Variants in SNAPC4 observed in about 807,000 individuals in gnomAD.
SNAPC4 encodes small nuclear RNA activating complex polypeptide 4, also known as snRNA-activating protein complex subunit 4.
Under a neutral mutation model 151.3 loss-of-function variants are expected in SNAPC4, and 127 were observed. That is an observed-to-expected ratio of 0.84 (90% CI 0.73 to 0.97). The LOEUF is 0.97. Ranked by LOEUF, SNAPC4 falls within the 50% of genes least tolerant of loss-of-function variation. SNAPC4 has a pLI of 0.00. For missense variants in SNAPC4, 2,186 were observed against 1,935.0 expected (o/e 1.13, Z -2.43); for synonymous variants, 1,002 against 824.4 (o/e 1.22, Z -3.69).
rs1833624120 is a variant in SNAPC4 at position 136,379,850 on chromosome 9, G to A, written c.2514C>T (p.Ala838=). Residue 838 remains alanine, a synonymous_variant, in exon 21 of 24, where the codon GCC becomes GCT. Transcript: ENST00000684778. Reference sequence around the variant, plus strand: ...AAGCAGAGTTACCTGGGGTGCTCTGGGCACTTGAGGATGCCTGGAAATGAA... The same window carrying A: ...AAGCAGAGTTACCTGGGGTGCTCTGAGCACTTGAGGATGCCTGGAAATGAA... ...PVHLLQASSS[A]QSTPGHLFPN... 6.8e-6 allele frequency: 11 copies of A among 1,613,162 alleles called. No individual in the cohort carries two copies. Among genetic ancestry groups the A allele is most frequent in the Middle Eastern group, 1.6e-4 (1 of 6,082 alleles).
rs1588762770 is a variant in SNAPC4 at position 136,392,605 on chromosome 9, G to A, written c.738-11C>T. 1 of 1,613,820 alleles carries A rather than the reference G, an allele frequency of 6.2e-7. No individual in the cohort carries two copies. The highest frequency in any genetic ancestry group is 8.5e-7 in the Non-Finnish European group (1 of 1,180,010). ...TCTTCTGGAAGCTGGCTGGTGGAAG[G>A]GATGAGGGTATTGGCACCACGCCTG... On this transcript the variant is annotated splice_polypyrimidine_tract_variant and intron_variant, in intron 8 of 23. Coordinates refer to ENST00000684778, the MANE Select transcript of SNAPC4 (RefSeq NM_003086.4).
At chr9:136,390,554 GAAA>G (rs58732608) in intron 10 of SNAPC4, among the ~76,000 whole-genome samples, 12 of 48,802 alleles carry the variant, frequency 2.5e-4, no homozygotes, top group Admixed American at 9.9e-4. Context: ...GACTCTGTTT[GAAA>G]AAAAAAAAAA....
At chr9:136,394,652 A>G in intron 6 of SNAPC4, 148 bp downstream of exon 6, 1 of 705,128 alleles carries the variant, frequency 1.4e-6, no homozygotes, top group Non-Finnish European at 2.4e-6. Context: ...GCAGGAGTCA[A>G]GGGGCCAGTC....
chr9:136,381,353 G>A lies in SNAPC4; in HGVS notation c.2357C>T (p.Ala786Val), dbSNP rs767726157. The change falls in exon 19 of 24, where the codon GCC becomes GTC. Residue 786 changes from alanine to valine, a missense_variant. Ala to Val is a moderately conservative substitution (Grantham distance 64). Coordinates refer to ENST00000684778, the MANE Select transcript of SNAPC4 (RefSeq NM_003086.4). ...LREQLQQARLASTPVFTLFTQ... is the reference protein window; with the variant it reads ...LREQLQQARLVSTPVFTLFTQ... ...AAACAGGGTAAACACAGGGGTGCTG[G>A]CCAGGCGGGCCTGCTGCAGCTGCTC... The A allele has an allele frequency of 1.2e-6, 2 of 1,612,840 alleles. No homozygotes were observed. Among genetic ancestry groups the A allele is most frequent in the Non-Finnish European group, 1.7e-6 (2 of 1,179,842 alleles).
At position 136,377,776 on chromosome 9, in the gene SNAPC4, C is replaced by A. The variant is rs1425800718; in HGVS notation, c.4051G>T (p.Val1351Leu). ...AGALQASLGL[V>L]RGQLQDNPAY... ...GGGTTGTCCTGGAGCTGCCCCCGCA[C>A]CAGCCCCAGTGAGGCTTGCAGTGCT... The change falls in exon 22 of 24, where the codon GTG becomes TTG. Residue 1351 changes from valine to leucine, a missense_variant. Val to Leu is a conservative substitution (Grantham distance 32). Coordinates refer to ENST00000684778, the MANE Select transcript of SNAPC4 (RefSeq NM_003086.4). 6.2e-7 allele frequency: 1 copy of A among 1,611,826 alleles called. No homozygotes were observed. Among genetic ancestry groups the A allele is most frequent in the African/African-American group, 1.3e-5 (1 of 75,032 alleles).
intron 22 of SNAPC4, among the ~76,000 whole-genome samples, chr9:136,377,302 C>T (rs1833483415): frequency 6.6e-6 from 1 of 152,204 alleles, no homozygotes; most frequent in Admixed American, 6.5e-5. Flanking sequence ...GCCGGAGGCT[C>T]CTGCACGAGA....
chr9:136,390,554 GAAAAAAAAAAAAAAA>G (rs58732608), intron 10 of SNAPC4, among the ~76,000 whole-genome samples: 3 of 48,806 alleles, frequency 6.1e-5, no homozygotes, highest in South Asian at 1.3e-3. Flanking sequence ...GACTCTGTTT[GAAAAAAAAAAAAAAA>G]AAAAAAAAAG....
chr9:136,394,886 G>C lies in SNAPC4; in HGVS notation c.472-8C>G. 6.2e-7 allele frequency: 1 copy of C among 1,613,132 alleles called. No individual in the cohort carries two copies. Among genetic ancestry groups the C allele is most frequent in the Non-Finnish European group, 8.5e-7 (1 of 1,179,478 alleles). ...CTCGTTGGCAGGTGGCCCCTGTCAG[G>C]GTGCACGGCATCACCACAAGCACAG... On this transcript the variant is annotated splice_polypyrimidine_tract_variant and splice_region_variant and intron_variant, in intron 5 of 23. Transcript: ENST00000684778.
Position 136,400,160 on chromosome 9 carries a change from C to T in SNAPC4, c.-36G>A, listed in dbSNP as rs979785713. On this transcript the variant is annotated 5_prime_UTR_variant, in exon 1 of 24. Coordinates refer to ENST00000684778, the MANE Select transcript of SNAPC4 (RefSeq NM_003086.4). ...TGGCCGCGCGGACCCCGCCGTCGCC[C>T]GGGCGACTGCAGACTCGACGCTTCC... is the stretch of plus-strand genomic sequence containing the variant. 7 of 152,146 alleles carry T rather than the reference C, an allele frequency of 4.6e-5. No individual in the cohort carries two copies. The highest frequency in any genetic ancestry group is 8.8e-5 in the Non-Finnish European group (6 of 68,016). 9.4% of individuals were successfully genotyped at this position (152,146 alleles called of 1,614,324 possible). A position where few individuals can be genotyped will look rare whatever the true frequency, so the allele number is the denominator to read the frequency against.
chr9:136,381,698 G>A (rs1833697986), intron 18 of SNAPC4, 126 bp downstream of exon 18: 5 of 1,204,984 alleles, frequency 4.1e-6, no homozygotes, highest in Middle Eastern at 2.0e-4. Flanking sequence ...CAGAGGTGGC[G>A]CCCACCCCAA....
intron 22 of SNAPC4, among the ~76,000 whole-genome samples, chr9:136,376,719 T>C (rs912410206): frequency 1.3e-5 from 2 of 152,078 alleles, no homozygotes; most frequent in Admixed American, 6.5e-5. Flanking sequence ...CACTCCCCCA[T>C]GGGACAGCCA....
chr9:136,383,948 C>T lies in SNAPC4; in HGVS notation c.1500+5G>A. The T allele has an allele frequency of 6.2e-7, 1 of 1,612,334 alleles. No individual in the cohort carries two copies. The highest frequency in any genetic ancestry group is 1.3e-5 in the African/African-American group (1 of 74,968). On this transcript the variant is annotated splice_donor_5th_base_variant and intron_variant, in intron 15 of 23. Transcript: ENST00000684778. The surrounding 1 kb of genome is among the most constrained non-coding windows in gnomAD (Gnocchi z 4.2). The stretch of plus-strand genomic sequence containing the variant: ...TTTCAGATAAAGAAGGAGCGAGTGG[C>T]TCACCCCCATCATGATCTTCCACTT...
In SNAPC4 at chr9:136,379,901, G is replaced by A. The variant is rs183665525; in HGVS notation, c.2500-37C>T. On this transcript the variant is annotated intron_variant, in intron 20 of 23. Coordinates refer to ENST00000684778, the MANE Select transcript of SNAPC4 (RefSeq NM_003086.4). ...AGAGAGGAGAGTCAGCAGCTCAGGT[G>A]TCCTCTGCTGGCTTGGACCACCTCT... 1.7e-3 allele frequency: 2,790 copies of A among 1,599,960 alleles called. 32 individuals carry two copies. The highest frequency in any genetic ancestry group is 5.7e-4 in the Non-Finnish European group (670 of 1,171,908).
rs1833785811 is a variant in SNAPC4 at position 136,383,587 on chromosome 9, T to C, written c.1582A>G (p.Ser528Gly). Residue 528 changes from serine (S) to glycine (G), a missense_variant, in exon 16 of 24, where the codon AGT (serine) becomes GGT (glycine). Physicochemically the swap from Ser to Gly is moderately conservative, Grantham distance 56 (BLOSUM62 0). Coordinates refer to ENST00000684778, the MANE Select transcript of SNAPC4 (RefSeq NM_003086.4). The surrounding 1 kb of genome is among the most constrained non-coding windows in gnomAD (Gnocchi z 4.2). ...WSSTSSSGSS[S>G]GSSGGSSSSS... The stretch of plus-strand genomic sequence containing the variant: ...CTGCTGCTCCCTCCACTGCTGCCAC[T>C]GCTGCTGCCGCTGCTGCTGGTAGAG... 6.2e-7 allele frequency: 1 copy of C among 1,610,444 alleles called. No homozygotes were observed. Among genetic ancestry groups the C allele is most frequent in the Non-Finnish European group, 8.5e-7 (1 of 1,178,544 alleles).
chr9:136,382,106 G>A, intron 17 of SNAPC4, 33 bp from the exon 18 acceptor site: 1 of 1,560,604 alleles, frequency 6.4e-7, no homozygotes. Flanking sequence ...GGGGCCCATG[G>A]CCAGGCTCGG....
At position 136,388,514 on chromosome 9, in the gene SNAPC4, C is replaced by A; in HGVS notation, c.1053G>T (p.Glu351Asp). The A allele has an allele frequency of 6.2e-7, 1 of 1,613,894 alleles. No homozygotes were observed. The highest frequency in any genetic ancestry group is 8.5e-7 in the Non-Finnish European group (1 of 1,179,970). The change falls in exon 11 of 24, where the codon GAG becomes GAT. Residue 351 changes from glutamate (E) to aspartate (D), a missense_variant. Transcript: ENST00000684778. ...NKALKRKEWT[E>D]EEDRMLTQLV... ...GCTGCGTGAGCATGCGGTCCTCCTCCTCTGTCCACTCCTTGCGTTTCAGAG... is the reference window on the plus strand; with the variant it reads ...GCTGCGTGAGCATGCGGTCCTCCTCATCTGTCCACTCCTTGCGTTTCAGAG...
At chr9:136,379,420 A>C (rs1833608277) in intron 21 of SNAPC4, 121 bp from the exon 22 acceptor site, 1 of 1,459,782 alleles carries the variant, frequency 6.9e-7, no homozygotes, top group Admixed American at 2.2e-5. Context: ...GAGCCAAGAG[A>C]GGGTCAAGCG....
chr9:136,397,716 C>T (rs1208261748), intron 2 of SNAPC4, among the ~76,000 whole-genome samples: 1 of 41,360 alleles, frequency 2.4e-5, no homozygotes, highest in African/African-American at 1.1e-4. Flanking sequence ...GTGGGGAGCA[C>T]GTGGGGAGGA....
At position 136,376,293 on chromosome 9, in the gene SNAPC4, G is replaced by A. The variant is rs376437018; in HGVS notation, c.*7+56C>T. 1,781 of 1,594,524 alleles carry A rather than the reference G, an allele frequency of 1.1e-3. 29 individuals are homozygous for A. In the South Asian group the frequency reaches 0.019, roughly 17 times the overall value. ...CAGAGGCCAAGGCCCCCTGCCATCTGGACACCACTCTGTCCCCTGGGTTGT... is the reference window on the plus strand; with the variant it reads ...CAGAGGCCAAGGCCCCCTGCCATCTAGACACCACTCTGTCCCCTGGGTTGT... On this transcript the variant is annotated intron_variant, in intron 23 of 23. Coordinates refer to ENST00000684778, the MANE Select transcript of SNAPC4 (RefSeq NM_003086.4).
Sources: allele counts gnomAD v4.1 joint callset (sites outside exome capture counted in the v4.1 genomes callset), GRCh38; gene constraint gnomAD v4.1.1; non-coding constraint Gnocchi (gnomAD v3.1); transcripts MANE v1.5; gene names NCBI Gene and HGNC (gene_info 2026-07-23, HGNC 2026-07-21).